The following VWA3B variants were observed in gnomAD, a reference collection of about 807,000 sequenced individuals.
The protein encoded by VWA3B is von Willebrand factor A domain-containing protein 3B.
In VWA3B, 138 loss-of-function variants were observed where a neutral mutation model predicts 158.3. That is an observed-to-expected ratio of 0.87 (90% CI 0.76 to 1.00). The LOEUF is 1.00. VWA3B is among the 50% of genes least tolerant of loss of function. VWA3B has a pLI of 0.00. For missense variants in VWA3B, 1,555 were observed against 1,565.1 expected (o/e 0.99, Z 0.11); for synonymous variants, 596 against 587.3 (o/e 1.01, Z -0.21).
intron 2 of VWA3B, among the ~76,000 whole-genome samples, chr2:98,100,581 TC>T (rs1279893754): frequency 6.6e-6 from 1 of 152,216 alleles, no homozygotes; most frequent in African/African-American, 2.4e-5. Flanking sequence ...GAGCTTGCAT[TC>T]ATCTCACAGC....
chr2:98,233,842 A>G (rs754634289), intron 16 of VWA3B, among the ~76,000 whole-genome samples: 11 of 152,224 alleles, frequency 7.2e-5, no homozygotes, highest in Non-Finnish European at 1.5e-4. Context: ...GGTACTTCTA[A>G]AGCCTCCAAA....
chr2:98,240,914 C>T (rs550450244), intron 19 of VWA3B, among the ~76,000 whole-genome samples: 5 of 152,204 alleles, frequency 3.3e-5, no homozygotes, highest in Non-Finnish European at 7.4e-5. Flanking sequence ...TAAAAATATT[C>T]AACAAATTTA....
At chr2:98,310,348 T>A (rs533202990) in intron 26 of VWA3B, among the ~76,000 whole-genome samples, 2 of 152,154 alleles carry the variant, frequency 1.3e-5, no homozygotes, top group African/African-American at 4.8e-5. Flanking sequence ...CAGCACTTTC[T>A]TCCCAGAAGT....
chr2:98,105,986 G>C (rs1673616810), intron 2 of VWA3B, among the ~76,000 whole-genome samples: 1 of 152,092 alleles, frequency 6.6e-6, no homozygotes, highest in African/African-American at 2.4e-5. Flanking sequence ...TGCAATTTCA[G>C]CTCACTGCAA....
At chr2:98,193,606 T>C (rs1346813695) in intron 11 of VWA3B, among the ~76,000 whole-genome samples, 3 of 152,004 alleles carry the variant, frequency 2.0e-5, no homozygotes, top group Non-Finnish European at 2.9e-5. Flanking sequence ...CACTTTTTTT[T>C]TTTTTTTGAG....
At chr2:98,215,620 C>A (rs1308289223) in intron 13 of VWA3B, among the ~76,000 whole-genome samples, 1 of 151,140 alleles carries the variant, frequency 6.6e-6, no homozygotes, top group East Asian at 2.0e-4. Flanking sequence ...CGGGTTCACG[C>A]CATTCTCCTG....
the VWA3B span, among the ~76,000 whole-genome samples, chr2:98,330,065 C>A: frequency 6.6e-6 from 1 of 152,148 alleles, no homozygotes; most frequent in East Asian, 1.9e-4. Context: ...CATCACATAC[C>A]CTACAACATC....
chr2:98,108,506 T>C (rs558586766), intron 2 of VWA3B, among the ~76,000 whole-genome samples: 7 of 152,230 alleles, frequency 4.6e-5, no homozygotes, highest in African/African-American at 7.2e-5. Flanking sequence ...TTCTGTTTTT[T>C]GTTGCAAATA....
intron 6 of VWA3B, among the ~76,000 whole-genome samples, chr2:98,129,259 G>GTGTGTGTGTGTGT (rs1491368601): frequency 2.0e-5 from 3 of 148,016 alleles, no homozygotes; most frequent in African/African-American, 5.0e-5. Context: ...GTGTGTGTGT[G>GTGTGTGTGTGTGT]GAGAGAGAGG....
At position 98,137,113 on chromosome 2, in the gene VWA3B, T is replaced by C. The variant is rs565771412; in HGVS notation, c.988+3174T>C. On this transcript the variant is annotated intron_variant, in intron 7 of 27. Coordinates refer to ENST00000477737, the MANE Select transcript of VWA3B (RefSeq NM_144992.5). ...GGGAACAATGTTATGAATATGGGTGTACAAAATAGCTCTTTGAGATTCTGC... is the reference window on the plus strand; with the variant it reads ...GGGAACAATGTTATGAATATGGGTGCACAAAATAGCTCTTTGAGATTCTGC... Among the ~76,000 whole-genome samples the C allele has an allele frequency of 4.6e-5, 7 of 152,376 alleles. No individual in the cohort carries two copies. The South Asian group carries it at 1.4e-3, about 32-fold the overall frequency.
chr2:98,206,949 G>GT, intron 12 of VWA3B: 1 of 474,232 alleles, frequency 2.1e-6, no homozygotes, highest in Non-Finnish European at 4.2e-6. Context: ...TAATGCTGAT[G>GT]TAAGGTCAGA....
chr2:98,179,754 C>G (rs1288596720), intron 8 of VWA3B, among the ~76,000 whole-genome samples: 4 of 148,306 alleles, frequency 2.7e-5, no homozygotes, highest in Admixed American at 1.3e-4. Context: ...CTCCCTTCCT[C>G]CCTCCTTCCT....
chr2:98,271,933 A>C (rs1214987143), intron 22 of VWA3B, among the ~76,000 whole-genome samples: 1 of 152,022 alleles, frequency 6.6e-6, no homozygotes, highest in African/African-American at 2.4e-5. Flanking sequence ...GAGGTGGGAC[A>C]TTTAAGAGGT....
At chr2:98,091,235 A>G (rs939211161) in intron 1 of VWA3B, among the ~76,000 whole-genome samples, 1 of 152,222 alleles carries the variant, frequency 6.6e-6, no homozygotes, top group East Asian at 1.9e-4. Flanking sequence ...AGAGTGGTTA[A>G]GAAATGGCTT....
At chr2:98,243,354 G>A (rs1291726202) in intron 19 of VWA3B, among the ~76,000 whole-genome samples, 4 of 150,272 alleles carry the variant, frequency 2.7e-5, no homozygotes, top group Non-Finnish European at 6.0e-5. Flanking sequence ...TTTTTCTTGA[G>A]ATGGAGTCTT....
At chr2:98,108,994 C>CTTTTTTTTTTT (rs56760057) in intron 2 of VWA3B, among the ~76,000 whole-genome samples, 4 of 132,592 alleles carry the variant, frequency 3.0e-5, no homozygotes, top group Admixed American at 7.6e-5. Flanking sequence ...CTTTTCTTTT[C>CTTTTTTTTTTT]TTTTTTTTTT....
At chr2:98,171,829 G>T (rs1195308758) in intron 8 of VWA3B, among the ~76,000 whole-genome samples, 1 of 152,134 alleles carries the variant, frequency 6.6e-6, no homozygotes, top group East Asian at 1.9e-4. Flanking sequence ...TGATAAATGG[G>T]CAGGTATGAG....
chr2:98,221,280 CAAAG>C (rs757729122), intron 14 of VWA3B, among the ~76,000 whole-genome samples: 8 of 152,276 alleles, frequency 5.3e-5, no homozygotes, highest in East Asian at 3.9e-4. Flanking sequence ...CAAGCACTGA[CAAAG>C]AAAGCTCCAC....
chr2:98,236,415 G>C lies in VWA3B; in HGVS notation c.2454G>C (p.Glu818Asp), dbSNP rs1457866892. Reference sequence around the variant, plus strand: ...AAATGAGCATCTTGCTGGCTGAGGAGTGGCTGGATGACAAATCGTCAGAAA... The same window carrying C: ...AAATGAGCATCTTGCTGGCTGAGGACTGGCTGGATGACAAATCGTCAGAAA... ...DKEMSILLAEEWLDDKSSEKV... is the reference protein window; with the variant it reads ...DKEMSILLAEDWLDDKSSEKV... The change falls in exon 18 of 28, where the codon GAG becomes GAC. Residue 818 changes from glutamate (E) to aspartate (D), a missense_variant. Transcript: ENST00000477737. 6.2e-7 allele frequency: 1 copy of C among 1,614,236 alleles called. No individual in the cohort carries two copies. The highest frequency in any genetic ancestry group is 8.5e-7 in the Non-Finnish European group (1 of 1,180,038).
Sources: allele counts gnomAD v4.1 joint callset (sites outside exome capture counted in the v4.1 genomes callset), GRCh38; gene constraint gnomAD v4.1.1; transcripts MANE v1.5; gene names NCBI Gene and HGNC (gene_info 2026-07-23, HGNC 2026-07-21).